The following ZNF445 variants were observed in gnomAD, a reference collection of about 807,000 sequenced individuals.
ZNF445 encodes the protein zinc finger protein 445, also known as zinc finger protein 168.
Under a neutral mutation model 93.9 loss-of-function variants are expected in ZNF445, and 19 were observed. The ratio of observed to expected loss-of-function variants is 0.20; its 90% CI spans 0.14 to 0.30. The LOEUF is 0.30. Among genes scored for constraint, ZNF445 ranks in the 10% least tolerant of loss-of-function variants. ZNF445 has a pLI of 1.00. For missense variants in ZNF445, 1,058 were observed against 1,259.4 expected, an observed-to-expected ratio of 0.84 and a Z score of 2.42; for synonymous variants, 449 against 446.3, an observed-to-expected ratio of 1.01 and a Z score of -0.08.
In ZNF445 at chr3:44,435,568, A is replaced by C. The variant is rs1697661022; in HGVS notation, c.*11007T>G. On this transcript the variant is annotated 3_prime_UTR_variant, in exon 8 of 8. Transcript: ENST00000396077. ...GTTCCCGTCTTTGATGGTGGCACTA[A>C]TCTCAACAATCTCTCCAGGAATGTG... 6.6e-6 allele frequency: 1 copy of C among 152,172 alleles called. No individual in the cohort carries two copies. The highest frequency in any genetic ancestry group is 2.4e-5 in the African/African-American group (1 of 41,434). The allele number at this position is 152,172 out of a possible 1,614,324, so 9.4% of individuals were successfully genotyped here. A position where few individuals can be genotyped will look rare whatever the true frequency, so the allele number is the denominator to read the frequency against.
At position 44,434,772 on chromosome 3, in the gene ZNF445, G is replaced by T. The variant is rs1697641684; in HGVS notation, c.*11803C>A. 6.6e-6 allele frequency: 1 copy of T among 152,200 alleles called. No homozygotes were observed. The highest frequency in any genetic ancestry group is 1.5e-5 in the Non-Finnish European group (1 of 68,040). 9.4% of individuals were successfully genotyped at this position (152,200 alleles called of 1,614,324 possible). ...AGATGGGTAACTGGGCAGCCAAGGGGATAATCGGATCGGGTGTGCCACACT... is the reference window on the plus strand; with the variant it reads ...AGATGGGTAACTGGGCAGCCAAGGGTATAATCGGATCGGGTGTGCCACACT... On this transcript the variant is annotated 3_prime_UTR_variant, in exon 8 of 8. Coordinates refer to ENST00000396077, the MANE Select transcript of ZNF445 (RefSeq NM_181489.6).
Position 44,455,451 on chromosome 3 carries a change from T to A in ZNF445, c.99A>T (p.Glu33Asp). ...LQTVKKEEEDESYTPVQAARP... is the reference protein window; with the variant it reads ...LQTVKKEEEDDSYTPVQAARP... ...TGGCAGCCTGCACTGGAGTATAGCT[T>A]TCATCCTCTTCTTCCTTCTTTACTG... The change falls in exon 3 of 8, where the codon GAA (glutamate) becomes GAT (aspartate). Residue 33 changes from glutamate to aspartate, a missense_variant. By Grantham distance (45) the Glu-to-Asp change is conservative (BLOSUM62 2). Coordinates refer to ENST00000396077, the MANE Select transcript of ZNF445 (RefSeq NM_181489.6). The A allele has an allele frequency of 1.2e-6, 2 of 1,614,184 alleles. No homozygotes were observed. The highest frequency in any genetic ancestry group is 1.7e-6 in the Non-Finnish European group (2 of 1,180,038).
chr3:44,447,695 C>A lies in ZNF445; in HGVS notation c.1976G>T (p.Arg659Leu), dbSNP rs777430688. 5.0e-6 allele frequency: 8 copies of A among 1,614,032 alleles called. No homozygotes were observed. In the South Asian group the frequency reaches 7.7e-5, roughly 16 times the overall value. ...EEKFYKQDEC[R>L]EGFRQSPDCS... is the part of the protein sequence containing the mutation. ...GTCAGGAGATTGCCTGAAGCCTTCA[C>A]GACATTCATCTTGTTTGTAGAATTT... The change falls in exon 8 of 8, where the codon CGT becomes CTT. Residue 659 changes from arginine (R) to leucine (L), a missense_variant. Around this residue, in one of 3 missense-constraint regions of ZNF445, gnomAD observed 387 missense variants for 475.7 expected, o/e 0.81. Coordinates refer to ENST00000396077, the MANE Select transcript of ZNF445 (RefSeq NM_181489.6). This position sits in a 1 kb window ranked among gnomAD's most constrained non-coding sequence, Gnocchi z 4.7.
At chr3:44,472,683 G>A (rs1315186948) in intron 1 of ZNF445, among the ~76,000 whole-genome samples, 1 of 152,152 alleles carries the variant, frequency 6.6e-6, no homozygotes, top group Non-Finnish European at 1.5e-5. Context: ...GAAAGACCCA[G>A]AGCATAGTGA....
chr3:44,450,349 G>A (rs971043212), intron 6 of ZNF445, 98 bp downstream of exon 6: 1 of 1,499,526 alleles, frequency 6.7e-7, no homozygotes, highest in African/African-American at 1.4e-5. Flanking sequence ...ACAGAGCCAG[G>A]ATCTAAAACC....
In ZNF445 at chr3:44,455,593, A is replaced by C; in HGVS notation, c.-44T>G. ...AACCAGAAGAGTGCGAACCAAGTCC[A>C]CCTTAGACGTGGGTCCTCAGAAGTA... On this transcript the variant is annotated 5_prime_UTR_variant, in exon 3 of 8. Coordinates refer to ENST00000396077, the MANE Select transcript of ZNF445 (RefSeq NM_181489.6). 1 of 1,513,700 alleles carries C rather than the reference A, an allele frequency of 6.6e-7. No individual in the cohort carries two copies. 93.8% of individuals were successfully genotyped at this position (1,513,700 alleles called of 1,614,324 possible). A position where few individuals can be genotyped will look rare whatever the true frequency, so the allele number is the denominator to read the frequency against.
chr3:44,435,663 G>C lies in ZNF445; in HGVS notation c.*10912C>G, dbSNP rs1037738135. The C allele has an allele frequency of 6.6e-6, 1 of 152,168 alleles. No individual in the cohort carries two copies. The highest frequency in any genetic ancestry group is 2.4e-5 in the African/African-American group (1 of 41,460). 9.4% of individuals were successfully genotyped at this position (152,168 alleles called of 1,614,324 possible). A position where few individuals can be genotyped will look rare whatever the true frequency, so the allele number is the denominator to read the frequency against. ...GGCTTCTACTTGGCCTTTTCTACCA[G>C]AATTACTTTTACTGTATGGATCAGG... On this transcript the variant is annotated 3_prime_UTR_variant, in exon 8 of 8. Coordinates refer to ENST00000396077, the MANE Select transcript of ZNF445 (RefSeq NM_181489.6).
At chr3:44,458,606 G>C (rs561695479) in intron 1 of ZNF445, among the ~76,000 whole-genome samples, 1 of 152,090 alleles carries the variant, frequency 6.6e-6, no homozygotes, top group Non-Finnish European at 1.5e-5. Flanking sequence ...GAGTGATAAA[G>C]GTAAGACAGC....
chr3:44,446,837 T>C lies in ZNF445; in HGVS notation c.2834A>G (p.Lys945Arg), dbSNP rs1559390389. 6.2e-7 allele frequency: 1 copy of C among 1,614,156 alleles called. No individual in the cohort carries two copies. The highest frequency in any genetic ancestry group is 8.5e-7 in the Non-Finnish European group (1 of 1,180,036). Reference sequence around the variant, plus strand: ...TTCGAGGGGCATCTCTTCACTTGGTTTTAGCTTCTGTAATCTCAACTTTGT... The same window carrying C: ...TTCGAGGGGCATCTCTTCACTTGGTCTTAGCTTCTGTAATCTCAACTTTGT... ...QDTKLRLQKL[K>R]PSEEMPLEDC... The change falls in exon 8 of 8, where the codon AAA (lysine) becomes AGA (arginine). Residue 945 changes from lysine (K) to arginine (R), a missense_variant. Physicochemically the swap from Lys to Arg is conservative, Grantham distance 26. Transcript: ENST00000396077. This position sits in a 1 kb window ranked among gnomAD's most constrained non-coding sequence, Gnocchi z 4.2.
rs1441329201 is a variant in ZNF445 at position 44,443,956 on chromosome 3, T to TG, written c.*2618dup. 1.3e-5 allele frequency: 2 copies of TG among 150,816 alleles called. No homozygotes were observed. The highest frequency in any genetic ancestry group is 4.9e-5 in the African/African-American group (2 of 40,948). The allele number at this position is 150,816 out of a possible 1,614,324, so 9.3% of individuals were successfully genotyped here. A position where few individuals can be genotyped will look rare whatever the true frequency, so the allele number is the denominator to read the frequency against. ...GAGTTTGAGACCAGCATGAGCAACA[T>TG]GGGAAAAAAAAATAAAAGTTTTGTC... On this transcript the variant is annotated 3_prime_UTR_variant, in exon 8 of 8. Coordinates refer to ENST00000396077, the MANE Select transcript of ZNF445 (RefSeq NM_181489.6).
chr3:44,452,289 C>T (rs764186859), intron 3 of ZNF445, among the ~76,000 whole-genome samples: 19 of 151,546 alleles, frequency 1.3e-4, no homozygotes, highest in Non-Finnish European at 2.5e-4. Flanking sequence ...CAGAGATACA[C>T]ACTAAAGATG....
At chr3:44,451,510 A>G (rs112747918) in intron 3 of ZNF445, 28 bp from the exon 4 acceptor site, 2 of 1,583,890 alleles carry the variant, frequency 1.3e-6, no homozygotes, top group African/African-American at 2.7e-5. Context: ...TTGTGAGAGG[A>G]TCTTTCTGGG....
rs1697875502 is a variant in ZNF445, at chr3:44,446,224, C to A, written c.*351G>T. 1 of 270,156 alleles carries A rather than the reference C, an allele frequency of 3.7e-6. No individual in the cohort carries two copies. The highest frequency in any genetic ancestry group is 7.1e-6 in the Non-Finnish European group (1 of 140,852). The allele number at this position is 270,156 out of a possible 1,614,324, so 16.7% of individuals were successfully genotyped here. A position where few individuals can be genotyped will look rare whatever the true frequency, so the allele number is the denominator to read the frequency against. On this transcript the variant is annotated 3_prime_UTR_variant, in exon 8 of 8. Coordinates refer to ENST00000396077, the MANE Select transcript of ZNF445 (RefSeq NM_181489.6). This position sits in a 1 kb window ranked among gnomAD's most constrained non-coding sequence, Gnocchi z 4.2. ...ACTGGCCCCTTTCCAGCAGCCATAG[C>A]CCATGATGCCACAGATATTCTGTCC...
rs2125678505 is a variant in ZNF445 at position 44,447,896 on chromosome 3, C to G, written c.1775G>C (p.Ser592Thr). Residue 592 changes from serine to threonine, a missense_variant, in exon 8 of 8, where the codon AGT becomes ACT. By Grantham distance (58) the Ser-to-Thr change is moderately conservative (BLOSUM62 1). Coordinates refer to ENST00000396077, the MANE Select transcript of ZNF445 (RefSeq NM_181489.6). The surrounding 1 kb of genome is among the most constrained non-coding windows in gnomAD (Gnocchi z 4.7). ...GCTGCAGTCAAAGAGTTTCTCCCCA[C>G]TTTGGTCTCCCAAATGATGATCAAA... ...SGFDHHLGDQ[S>T]GEKLFDCSQC... is the part of the protein sequence containing the mutation. The G allele has an allele frequency of 6.2e-7, 1 of 1,613,978 alleles. No homozygotes were observed. The highest frequency in any genetic ancestry group is 1.6e-4 in the Middle Eastern group (1 of 6,062).
chr3:44,434,413 G>GA lies in ZNF445; in HGVS notation c.*12161dup, dbSNP rs55922458. 0.14 allele frequency: 20,328 copies of GA among 146,676 alleles called. 1,377 individuals are homozygous for GA. Among genetic ancestry groups the GA allele is most frequent in the Admixed American group, 0.17 (2,534 of 14,776 alleles). 9.1% of individuals were successfully genotyped at this position (146,676 alleles called of 1,614,324 possible). A position where few individuals can be genotyped will look rare whatever the true frequency, so the allele number is the denominator to read the frequency against. Reference sequence around the variant, plus strand: ...CAGAGTGAGACTCTGTCTCAAAAAAGAAAAAAAAAAGAGAGAAAGAAGTTT... The same window carrying GA: ...CAGAGTGAGACTCTGTCTCAAAAAAGAAAAAAAAAAAGAGAGAAAGAAGTTT... On this transcript the variant is annotated 3_prime_UTR_variant, in exon 8 of 8. Coordinates refer to ENST00000396077, the MANE Select transcript of ZNF445 (RefSeq NM_181489.6).
In ZNF445 at chr3:44,445,355, C is replaced by G. The variant is rs1697866140; in HGVS notation, c.*1220G>C. The G allele has an allele frequency of 6.6e-6, 1 of 152,178 alleles. No homozygotes were observed. The highest frequency in any genetic ancestry group is 2.4e-5 in the African/African-American group (1 of 41,436). The allele number at this position is 152,178 out of a possible 1,614,324, so 9.4% of individuals were successfully genotyped here. A position where few individuals can be genotyped will look rare whatever the true frequency, so the allele number is the denominator to read the frequency against. Reference sequence around the variant, plus strand: ...ACTGAGTCCTTGGATCTGTGGTTAACCCTTATAAAATATAATTCAGATTCA... The same window carrying G: ...ACTGAGTCCTTGGATCTGTGGTTAAGCCTTATAAAATATAATTCAGATTCA... On this transcript the variant is annotated 3_prime_UTR_variant, in exon 8 of 8. Coordinates refer to ENST00000396077, the MANE Select transcript of ZNF445 (RefSeq NM_181489.6).
At chr3:44,468,497 T>C (rs534450737) in intron 1 of ZNF445, among the ~76,000 whole-genome samples, 16 of 152,268 alleles carry the variant, frequency 1.1e-4, no homozygotes, top group Middle Eastern at 3.4e-3. Flanking sequence ...AGCCACAAGA[T>C]TAGAAATTAT....
In ZNF445 at chr3:44,455,240, G is replaced by A. The variant is rs1423115892; in HGVS notation, c.310C>T (p.Leu104=). ...CGGAGCTCCCCAGGCAGGATGCTCA[G>A]GAACTGTTCCAGCACCAGCAGCTCT... The part of the protein sequence containing the change: ...ILELLVLEQF[L]SILPGELRVW... The change falls in exon 3 of 8, where the codon CTG becomes TTG. Residue 104 remains leucine (L), a synonymous_variant. Transcript: ENST00000396077. 1.9e-6 allele frequency: 3 copies of A among 1,614,098 alleles called. No homozygotes were observed. The highest frequency in any genetic ancestry group is 1.3e-5 in the African/African-American group (1 of 74,942).
intron 3 of ZNF445, 105 bp from the exon 4 acceptor site, chr3:44,451,587 G>A: frequency 8.0e-7 from 1 of 1,247,872 alleles, no homozygotes; most frequent in East Asian, 2.4e-5. Flanking sequence ...CCGAGGGATA[G>A]GTAAGCCAGG....
Sources: allele counts gnomAD v4.1 joint callset (sites outside exome capture counted in the v4.1 genomes callset), GRCh38; gene constraint gnomAD v4.1.1; regional missense constraint gnomAD v4.1.1; non-coding constraint Gnocchi (gnomAD v3.1); transcripts MANE v1.5; gene names NCBI Gene and HGNC (gene_info 2026-07-23, HGNC 2026-07-21).